The following TNFRSF9 variants were observed in gnomAD, a reference collection of about 807,000 sequenced individuals.
The protein encoded by TNFRSF9 is tumor necrosis factor receptor superfamily member 9.
A neutral mutation model predicts 28.8 loss-of-function variants in TNFRSF9; 16 were observed. The ratio of observed to expected loss-of-function variants is 0.55; its 90% CI spans 0.38 to 0.84. The LOEUF (loss-of-function observed/expected upper bound fraction) is 0.84, where lower values mean the gene tolerates loss of function less well. Ranked by LOEUF, TNFRSF9 falls within the 40% of genes least tolerant of loss-of-function variation. The pLI is 0.00. For missense variants in TNFRSF9, 303 were observed against 315.0 expected (o/e 0.96, Z 0.29); for synonymous variants, 131 against 117.0 (o/e 1.12, Z -0.77).
At position 7,918,980 on chromosome 1, in the gene TNFRSF9, C is replaced by T. The variant is rs1415026024; in HGVS notation, c.*1855G>A. The T allele has an allele frequency of 6.6e-6, 1 of 152,168 alleles. No homozygotes were observed. Among genetic ancestry groups the T allele is most frequent in the East Asian group, 1.9e-4 (1 of 5,194 alleles). The allele number at this position is 152,168 out of a possible 1,614,324, so 9.4% of individuals were successfully genotyped here. A position where few individuals can be genotyped will look rare whatever the true frequency, so the allele number is the denominator to read the frequency against. On this transcript the variant is annotated 3_prime_UTR_variant, in exon 8 of 8. Transcript: ENST00000377507. ...GTAGACTATTGTTCAGAAATATCTT[C>T]TCCTCACCCCTATTTACAGAATATA...
chr1:7,929,229 G>C (rs185047511), intron 7 of TNFRSF9, among the ~76,000 whole-genome samples: 4 of 138,218 alleles, frequency 2.9e-5, no homozygotes, highest in African/African-American at 1.1e-4. Context: ...TGCAGGATGC[G>C]ATATCAGCTC....
At chr1:7,938,646 C>A in intron 3 of TNFRSF9, 75 bp downstream of exon 3, 1 of 1,232,146 alleles carries the variant, frequency 8.1e-7, no homozygotes, top group South Asian at 1.5e-5. Context: ...CAAAAGAGAG[C>A]AGTTAGTAAA....
intron 3 of TNFRSF9, 145 bp downstream of exon 3, chr1:7,938,576 A>G (rs1359176846): frequency 1.3e-6 from 1 of 759,388 alleles, no homozygotes; most frequent in Non-Finnish European, 2.1e-6. Flanking sequence ...CTGTCACTGG[A>G]TATTATTGTC....
In TNFRSF9 at chr1:7,926,062, G is replaced by A. The variant is rs535110176; in HGVS notation, c.680-5139C>T. On this transcript the variant is annotated intron_variant, in intron 7 of 7. Coordinates refer to ENST00000377507, the MANE Select transcript of TNFRSF9 (RefSeq NM_001561.6). ...ATTACAGGCATGCGCCACCACACCC[G>A]GCTAATTTTTGTATTTTTAGTAGAA... is the stretch of plus-strand genomic sequence containing the variant. Among the ~76,000 whole-genome samples, 32 of 152,184 alleles carry A rather than the reference G, an allele frequency of 2.1e-4. No individual in the cohort carries two copies. In the South Asian group the frequency reaches 5.2e-3, roughly 25 times the overall value.
At chr1:7,934,444 C>T (rs1292469959) in intron 6 of TNFRSF9, among the ~76,000 whole-genome samples, 1 of 151,346 alleles carries the variant, frequency 6.6e-6, no homozygotes, top group African/African-American at 2.4e-5. Context: ...GGCGTGGTGG[C>T]TCACACCTGT....
At chr1:7,935,223 C>T (rs1639799766) in intron 5 of TNFRSF9, 80 bp from the exon 6 acceptor site, 2 of 1,498,474 alleles carry the variant, frequency 1.3e-6, no homozygotes, top group Admixed American at 1.9e-5. Context: ...TCATTTTTCA[C>T]CCAATGAAGT....
rs1221931384 is a variant in TNFRSF9, at chr1:7,918,343, T to C, written c.*2492A>G. 2 of 152,118 alleles carry C rather than the reference T, an allele frequency of 1.3e-5. No homozygotes were observed. The highest frequency in any genetic ancestry group is 4.8e-5 in the African/African-American group (2 of 41,422). 9.4% of individuals were successfully genotyped at this position (152,118 alleles called of 1,614,324 possible). A position where few individuals can be genotyped will look rare whatever the true frequency, so the allele number is the denominator to read the frequency against. On this transcript the variant is annotated 3_prime_UTR_variant, in exon 8 of 8. Transcript: ENST00000377507. ...ACCAAAGATTATTATCTAGAATACA[T>C]AAAGACCTTTTAGGAATCAGGACAA...
intron 7 of TNFRSF9, among the ~76,000 whole-genome samples, chr1:7,925,412 C>CAGTGTTTAT (rs1161070635): frequency 6.6e-5 from 10 of 151,978 alleles, no homozygotes; most frequent in African/African-American, 1.9e-4. Flanking sequence ...CTTAAGTGTA[C>CAGTGTTTAT]AGTGTTTATA....
At chr1:7,934,746 T>G (rs1351168639) in intron 6 of TNFRSF9, among the ~76,000 whole-genome samples, 6 of 151,978 alleles carry the variant, frequency 3.9e-5, no homozygotes, top group Non-Finnish European at 8.8e-5. Flanking sequence ...AGAAAAAATA[T>G]GGGACCCTAT....
intron 5 of TNFRSF9, among the ~76,000 whole-genome samples, chr1:7,935,641 C>T (rs183315313): frequency 6.6e-6 from 1 of 152,226 alleles, no homozygotes; most frequent in East Asian, 1.9e-4. Context: ...GCCTGAGCAA[C>T]ATAGCAAGAC....
chr1:7,921,338 AAAAACAAAAC>A (rs143263936), intron 7 of TNFRSF9, among the ~76,000 whole-genome samples: 19,094 of 139,982 alleles, frequency 0.14, 2,805 homozygotes, highest in East Asian at 0.52. Context: ...CTCTGTCTCA[AAAAACAAAAC>A]AAAACAAAAC....
chr1:7,924,730 T>C (rs1639614648), intron 7 of TNFRSF9, among the ~76,000 whole-genome samples: 1 of 152,178 alleles, frequency 6.6e-6, no homozygotes. Flanking sequence ...ATTGTTCTCA[T>C]AGGAGATGAC....
chr1:7,930,398 T>A lies in TNFRSF9; in HGVS notation c.679+2764A>T, dbSNP rs187279474. Among the ~76,000 whole-genome samples, 3 of 152,342 alleles carry A rather than the reference T, an allele frequency of 2.0e-5. No homozygotes were observed. The East Asian group carries it at 5.8e-4, about 29-fold the overall frequency. On this transcript the variant is annotated intron_variant, in intron 7 of 7. Transcript: ENST00000377507. The stretch of plus-strand genomic sequence containing the variant: ...GGATTACAGTTCCATTGAAACTCAC[T>A]AATTACTCATAAATACTTTTGAAAA...
chr1:7,933,854 T>C (rs1639773218), intron 6 of TNFRSF9, among the ~76,000 whole-genome samples: 1 of 151,784 alleles, frequency 6.6e-6, no homozygotes, highest in Non-Finnish European at 1.5e-5. Context: ...CCATCTCTAC[T>C]AAAAATACAA....
In TNFRSF9 at chr1:7,923,374, T is replaced by C. The variant is rs370254811; in HGVS notation, c.680-2451A>G. 4.6e-4 allele frequency among the ~76,000 whole-genome samples: 70 copies of C among 152,208 alleles called. No individual in the cohort carries two copies. The East Asian group carries it at 0.014, about 29-fold the overall frequency. ...TGGGGTAGTGTCAGAGGAGGCCTAG[T>C]GGGAGCTAGAACTCCCACGTGTCTA... is the stretch of plus-strand genomic sequence containing the variant. On this transcript the variant is annotated intron_variant, in intron 7 of 7. Transcript: ENST00000377507.
chr1:7,935,674 G>T (rs1639806143), intron 5 of TNFRSF9, among the ~76,000 whole-genome samples: 1 of 152,002 alleles, frequency 6.6e-6, no homozygotes, highest in Non-Finnish European at 1.5e-5. Context: ...AAAATTAAAA[G>T]ACAAACAAAA....
At chr1:7,940,314 T>C (rs1308521883) in intron 1 of TNFRSF9, among the ~76,000 whole-genome samples, 2 of 152,332 alleles carry the variant, frequency 1.3e-5, no homozygotes, top group Admixed American at 6.5e-5. Context: ...TTTTCCATCA[T>C]GTTCTGCCAA....
chr1:7,939,356 C>CA (rs1019420634), intron 2 of TNFRSF9, among the ~76,000 whole-genome samples: 3 of 144,810 alleles, frequency 2.1e-5, no homozygotes, highest in Non-Finnish European at 4.6e-5. Context: ...ACAAAAAAAA[C>CA]AAAAAAACCA....
intron 2 of TNFRSF9, among the ~76,000 whole-genome samples, chr1:7,939,569 G>A (rs768104421): frequency 8.6e-5 from 13 of 152,028 alleles, no homozygotes; most frequent in Admixed American, 2.6e-4. Context: ...GCCCCCAGTC[G>A]GAGCACAAAG....
Sources: allele counts gnomAD v4.1 joint callset (sites outside exome capture counted in the v4.1 genomes callset), GRCh38; gene constraint gnomAD v4.1.1; transcripts MANE v1.5; gene names NCBI Gene and HGNC (gene_info 2026-07-23, HGNC 2026-07-21).